Variants in INTS11 observed in about 807,000 individuals in gnomAD.
INTS11 encodes the protein integrator complex subunit 11.
A neutral mutation model predicts 78.6 loss-of-function variants in INTS11; 77 were observed. That is an observed-to-expected ratio of 0.98 (90% CI 0.81 to 1.18). The LOEUF (loss-of-function observed/expected upper bound fraction) is 1.18, where lower values mean the gene tolerates loss of function less well. Among genes scored for constraint, INTS11 ranks in the 50% most tolerant of loss-of-function variants. The pLI, the probability that INTS11 is intolerant of heterozygous loss-of-function variation, is 0.00. For synonymous variants in INTS11, 441 were observed against 326.9 expected (o/e 1.35, Z -3.77); for missense variants, 875 against 825.9 (o/e 1.06, Z -0.73).
Position 1,312,932 on chromosome 1 carries a change from C to T in INTS11, c.1149G>A (p.Gln383=). 6.2e-7 allele frequency: 1 copy of T among 1,612,054 alleles called. No individual in the cohort carries two copies. The stretch of plus-strand genomic sequence containing the variant: ...GTGCGCTGAATGACATGTACTCCAC[C>T]TGCATCTTGACCTCCAGCTACAGAG... The part of the protein sequence containing the change: ...EGRQVLEVKM[Q]VEYMSFSAHA... The change falls in exon 12 of 17, where the codon CAG becomes CAA. Residue 383 remains glutamine, a synonymous_variant. Transcript: ENST00000435064.
chr1:1,324,478 C>G, intron 1 of INTS11, 103 bp downstream of exon 1: 3 of 1,245,642 alleles, frequency 2.4e-6, no homozygotes, highest in Non-Finnish European at 3.4e-6. Flanking sequence ...ACGCCCGCGG[C>G]GCGCACCTGG....
At position 1,314,523 on chromosome 1, in the gene INTS11, A is replaced by T; in HGVS notation, c.703-158T>A. The T allele has an allele frequency of 1.5e-6, 1 of 685,774 alleles. No homozygotes were observed. The highest frequency in any genetic ancestry group is 2.7e-5 in the East Asian group (1 of 36,492). The allele number at this position is 685,774 out of a possible 1,614,324, so 42.5% of individuals were successfully genotyped here. A position where few individuals can be genotyped will look rare whatever the true frequency, so the allele number is the denominator to read the frequency against. ...CCCGTCCCAGCCGCTCTCCAGAGAC[A>T]GAAGGGAGCCGTATGAGAGACAGGA... On this transcript the variant is annotated intron_variant, in intron 7 of 16. Coordinates refer to ENST00000435064, the MANE Select transcript of INTS11 (RefSeq NM_017871.6). This position sits in a 1 kb window ranked among gnomAD's most constrained non-coding sequence, Gnocchi z 4.2.
In INTS11 at chr1:1,314,824, C is replaced by T; in HGVS notation, c.702G>A (p.Lys234=). The change falls in exon 7 of 17, where the codon AAG becomes AAA. Residue 234 remains lysine (K), a splice_region_variant and synonymous_variant. Transcript: ENST00000435064. This position sits in a 1 kb window ranked among gnomAD's most constrained non-coding sequence, Gnocchi z 4.2. ...KVHETVERGG[K]VLIPVFALGR... ...ATGTCCCCACCCCTGCTGCAGCTACCTTCCCACCACGCTCCACGGTCTCGT... is the reference window on the plus strand; with the variant it reads ...ATGTCCCCACCCCTGCTGCAGCTACTTTCCCACCACGCTCCACGGTCTCGT... 2 of 1,609,990 alleles carry T rather than the reference C, an allele frequency of 1.2e-6. No homozygotes were observed. The highest frequency in any genetic ancestry group is 1.7e-4 in the Middle Eastern group (1 of 6,052).
chr1:1,315,487 A>G, intron 5 of INTS11, 33 bp downstream of exon 5: 2 of 1,612,548 alleles, frequency 1.2e-6, no homozygotes, highest in Non-Finnish European at 1.7e-6. Context: ...CCACCCCAGC[A>G]GCCCCTCCCA....
Position 1,313,802 on chromosome 1 carries a change from T to A in INTS11, c.887A>T (p.Gln296Leu). The A allele has an allele frequency of 1.2e-6, 2 of 1,613,526 alleles. No homozygotes were observed. Among genetic ancestry groups the A allele is most frequent in the Non-Finnish European group, 1.7e-6 (2 of 1,179,998 alleles). ...TNQKIRKTFV[Q>L]RNMFEFKHIK... ...GTGCTTGAACTCAAACATGTTCCTC[T>A]GCACGAAAGTCTTGCGGATCTTCTG... The change falls in exon 9 of 17, where the codon CAG (glutamine) becomes CTG (leucine). Residue 296 changes from glutamine to leucine, a missense_variant. Coordinates refer to ENST00000435064, the MANE Select transcript of INTS11 (RefSeq NM_017871.6).
chr1:1,312,213 G>GGGGGCCCCCCCCCCCCCCCCCC lies in INTS11; in HGVS notation c.1607+12_1607+13insGGGGGGGGGGGGGGGGGGCCCC. ...CCCAAGGGAGTGGGGGGGGGGCGGGGCCGGGCGCCCACCTCTTGAGGTGGC... is the reference window on the plus strand; with the variant it reads ...CCCAAGGGAGTGGGGGGGGGGCGGGGGGGGCCCCCCCCCCCCCCCCCCCCGGGCGCCCACCTCTTGAGGTGGC... On this transcript the variant is annotated intron_variant, in intron 15 of 16. Coordinates refer to ENST00000435064, the MANE Select transcript of INTS11 (RefSeq NM_017871.6). 8.6e-6 allele frequency: 8 copies of GGGGGCCCCCCCCCCCCCCCCCC among 934,510 alleles called. No homozygotes were observed. The highest frequency in any genetic ancestry group is 9.4e-6 in the Non-Finnish European group (6 of 636,584). 57.9% of individuals were successfully genotyped at this position (934,510 alleles called of 1,614,324 possible). A position where few individuals can be genotyped will look rare whatever the true frequency, so the allele number is the denominator to read the frequency against.
intron 15 of INTS11, 22 bp downstream of exon 15, chr1:1,312,204 G>GGGGGA: frequency 8.4e-7 from 1 of 1,186,130 alleles, no homozygotes; most frequent in Non-Finnish European, 1.2e-6. Context: ...GGAGTGGGGG[G>GGGGGA]GGGGCGGGGC....
chr1:1,312,204 G>T (rs752778156), intron 15 of INTS11, 22 bp downstream of exon 15: 3 of 1,186,128 alleles, frequency 2.5e-6, no homozygotes, highest in East Asian at 5.3e-5. Flanking sequence ...GGAGTGGGGG[G>T]GGGGCGGGGC....
rs1199226279 is a variant in INTS11, at chr1:1,312,328, A to G, written c.1505T>C (p.Leu502Pro). 2 of 1,557,076 alleles carry G rather than the reference A, an allele frequency of 1.3e-6. No homozygotes were observed. The highest frequency in any genetic ancestry group is 1.9e-5 in the Admixed American group (1 of 51,846). The change falls in exon 15 of 17, where the codon CTG becomes CCG. Residue 502 changes from leucine to proline, a missense_variant. Leu to Pro is a moderately conservative substitution (Grantham distance 98, BLOSUM62 -3). Coordinates refer to ENST00000435064, the MANE Select transcript of INTS11 (RefSeq NM_017871.6). ...GCGCAGCTGGTGCTCAGCCAGACCC[A>G]GCTCTTTGAGGGCTTGCTCTGAGGA... ...LVSSEQALKE[L>P]GLAEHQLRFT...
Position 1,312,206 on chromosome 1 carries a change from G to GGGGGGGT in INTS11, c.1607+19_1607+20insACCCCCC. On this transcript the variant is annotated intron_variant, in intron 15 of 16. Coordinates refer to ENST00000435064, the MANE Select transcript of INTS11 (RefSeq NM_017871.6). ...TCCAGGGCCCAAGGGAGTGGGGGGG[G>GGGGGGGT]GGCGGGGCCGGGCGCCCACCTCTTG... is the stretch of plus-strand genomic sequence containing the variant. 8.6e-7 allele frequency: 1 copy of GGGGGGGT among 1,161,216 alleles called. No individual in the cohort carries two copies. Among genetic ancestry groups the GGGGGGGT allele is most frequent in the Non-Finnish European group, 1.2e-6 (1 of 826,256 alleles). The allele number at this position is 1,161,216 out of a possible 1,614,324, so 71.9% of individuals were successfully genotyped here. A position where few individuals can be genotyped will look rare whatever the true frequency, so the allele number is the denominator to read the frequency against.
At position 1,311,831 on chromosome 1, in the gene INTS11, G is replaced by A. The variant is rs866877303; in HGVS notation, c.*28C>T. ...GGGTCTGTCCAGCTGGGAGAGGGCA[G>A]AGGTGGCGGCTGGGTGAGTTGCCGG... On this transcript the variant is annotated 3_prime_UTR_variant, in exon 17 of 17. Coordinates refer to ENST00000435064, the MANE Select transcript of INTS11 (RefSeq NM_017871.6). The A allele has an allele frequency of 1.3e-6, 2 of 1,536,436 alleles. No individual in the cohort carries two copies. The highest frequency in any genetic ancestry group is 2.8e-5 in the African/African-American group (2 of 72,404).
At chr1:1,322,936 G>T (rs1643048215) in intron 1 of INTS11, 1 of 1,351,576 alleles carries the variant, frequency 7.4e-7, no homozygotes, top group Non-Finnish European at 9.5e-7. Flanking sequence ...ACAGATTGCG[G>T]GTAATTGAAG....
At position 1,314,593 on chromosome 1, in the gene INTS11, G is replaced by A. The variant is rs530234201; in HGVS notation, c.703-228C>T. 23 of 639,930 alleles carry A rather than the reference G, an allele frequency of 3.6e-5. No individual in the cohort carries two copies. The East Asian group carries it at 5.5e-4, about 15-fold the overall frequency. 39.6% of individuals were successfully genotyped at this position (639,930 alleles called of 1,614,324 possible). On this transcript the variant is annotated intron_variant, in intron 7 of 16. Coordinates refer to ENST00000435064, the MANE Select transcript of INTS11 (RefSeq NM_017871.6). This position sits in a 1 kb window ranked among gnomAD's most constrained non-coding sequence, Gnocchi z 4.2. ...GAAGGGAGCTGCATGAGAGACAGAA[G>A]GAGCCTGGCCAGGGCTTCGTCCGCA...
At chr1:1,320,408 C>T (rs1642875956) in intron 3 of INTS11, 48 bp downstream of exon 3, 1 of 1,579,780 alleles carries the variant, frequency 6.3e-7, no homozygotes, top group Non-Finnish European at 8.7e-7. Context: ...TGGCCCAAGC[C>T]CCACAGGCAC....
In INTS11 at chr1:1,312,208, G is replaced by C. The variant is rs568445177; in HGVS notation, c.1607+18C>G. ...CAGGGCCCAAGGGAGTGGGGGGGGG[G>C]CGGGGCCGGGCGCCCACCTCTTGAG... On this transcript the variant is annotated intron_variant, in intron 15 of 16. Transcript: ENST00000435064. 1.1e-5 allele frequency: 12 copies of C among 1,123,352 alleles called. No homozygotes were observed. In the South Asian group the frequency reaches 1.3e-4, roughly 12 times the overall value. The allele number at this position is 1,123,352 out of a possible 1,614,324, so 69.6% of individuals were successfully genotyped here.
chr1:1,313,243 C>A lies in INTS11; in HGVS notation c.1042-119G>T. 19 of 1,188,142 alleles carry A rather than the reference C, an allele frequency of 1.6e-5. No individual in the cohort carries two copies. In the South Asian group the frequency reaches 2.3e-4, roughly 14 times the overall value. 73.6% of individuals were successfully genotyped at this position (1,188,142 alleles called of 1,614,324 possible). On this transcript the variant is annotated intron_variant, in intron 10 of 16. Transcript: ENST00000435064. ...GTTTCCACCTGCCAGCGGCGCCCGA[C>A]CAAGCCTAGCTGCAGACTCCAAAGG...
Position 1,315,033 on chromosome 1 carries a change from C to T in INTS11, c.564-71G>A, listed in dbSNP as rs1642494305. On this transcript the variant is annotated intron_variant, in intron 6 of 16. Coordinates refer to ENST00000435064, the MANE Select transcript of INTS11 (RefSeq NM_017871.6). ...CGGTTGCAGGGCTGGGTGTGACAAG[C>T]TGGACCCCAGTACCACGCCCAGCCG... 8.3e-6 allele frequency: 13 copies of T among 1,573,106 alleles called. No individual in the cohort carries two copies. In the Admixed American group the frequency reaches 1.7e-4, roughly 21 times the overall value.
At chr1:1,315,373 A>G in intron 6 of INTS11, 31 bp downstream of exon 6, 3 of 1,613,058 alleles carry the variant, frequency 1.9e-6, no homozygotes, top group Non-Finnish European at 2.5e-6. Flanking sequence ...AGGGGGGCCC[A>G]CGGGACAAAA....
Position 1,314,646 on chromosome 1 carries a change from C to T in INTS11, c.702+178G>A. 1.2e-6 allele frequency: 1 copy of T among 827,970 alleles called. No individual in the cohort carries two copies. The highest frequency in any genetic ancestry group is 2.7e-5 in the East Asian group (1 of 37,536). 51.3% of individuals were successfully genotyped at this position (827,970 alleles called of 1,614,324 possible). ...TGAGGTAGGAGGGAAAAGGGGCTCC[C>T]TAGGAAAGGGTCTCTGAGTTTTCCT... On this transcript the variant is annotated intron_variant, in intron 7 of 16. Transcript: ENST00000435064. This position sits in a 1 kb window ranked among gnomAD's most constrained non-coding sequence, Gnocchi z 4.2.
Sources: allele counts gnomAD v4.1 joint callset, GRCh38; gene constraint gnomAD v4.1.1; non-coding constraint Gnocchi (gnomAD v3.1); transcripts MANE v1.5; gene names NCBI Gene and HGNC (gene_info 2026-07-23, HGNC 2026-07-21).